Variants in ARHGAP22 observed in about 807,000 individuals in gnomAD.
The protein encoded by ARHGAP22 is Rho GTPase activating protein 22, also known as rho GTPase-activating protein 22.
ARHGAP22 carries 48 observed loss-of-function variants against 59.1 expected under a neutral mutation model. The observed-to-expected ratio is 0.81, with a 90% CI of 0.64 to 1.03. The LOEUF (loss-of-function observed/expected upper bound fraction) is 1.03, where lower values mean the gene tolerates loss of function less well. Among genes scored for constraint, ARHGAP22 ranks in the 50% least tolerant of loss-of-function variants. ARHGAP22 has a pLI of 0.00. For missense variants in ARHGAP22, 1,015 were observed against 958.7 expected, an observed-to-expected ratio of 1.06 and a Z score of -0.78; for synonymous variants, 445 against 416.4, an observed-to-expected ratio of 1.07 and a Z score of -0.84.
At chr10:48,558,792 A>C (rs1040921445) in intron 2 of ARHGAP22, among the ~76,000 whole-genome samples, 2 of 152,228 alleles carry the variant, frequency 1.3e-5, no homozygotes, top group African/African-American at 2.4e-5. Flanking sequence ...TCTGATGCTG[A>C]GAGCCCTGGG....
In ARHGAP22 at chr10:48,523,304, G is replaced by T. The variant is rs994780367; in HGVS notation, c.322+32159C>A. ...CATGCTTAATAAGCGCGGCAGGTGA[G>T]TGTTAGGGTCAGGTGAGTTTAGGGA... is the stretch of plus-strand genomic sequence containing the variant. On this transcript the variant is annotated intron_variant, in intron 3 of 9. Transcript: ENST00000249601. 2.0e-5 allele frequency among the ~76,000 whole-genome samples: 3 copies of T among 152,234 alleles called. No individual in the cohort carries two copies. The East Asian group carries it at 5.8e-4, about 29-fold the overall frequency.
chr10:48,570,422 G>C (rs2058326415), intron 2 of ARHGAP22, among the ~76,000 whole-genome samples: 1 of 152,222 alleles, frequency 6.6e-6, no homozygotes, highest in African/African-American at 2.4e-5. Context: ...GTGAAGCTCA[G>C]TTCCTAATTA....
At chr10:48,487,268 G>A (rs2049953122) in intron 3 of ARHGAP22, among the ~76,000 whole-genome samples, 1 of 152,098 alleles carries the variant, frequency 6.6e-6, no homozygotes, top group Admixed American at 6.5e-5. Context: ...TTTGTACAGT[G>A]TGGTAGCAGA....
intron 1 of ARHGAP22, among the ~76,000 whole-genome samples, chr10:48,620,869 C>A (rs1419561190): frequency 2.0e-5 from 3 of 152,238 alleles, no homozygotes; most frequent in African/African-American, 7.2e-5. Flanking sequence ...TTCACCAGTG[C>A]ACTGGGACTT....
chr10:48,600,307 G>A (rs930272438), intron 1 of ARHGAP22, among the ~76,000 whole-genome samples: 2 of 152,172 alleles, frequency 1.3e-5, no homozygotes, highest in African/African-American at 4.8e-5. Context: ...TTGAAGAATA[G>A]GTGAGATCAC....
At chr10:48,432,092 G>A in the ARHGAP22 span, among the ~76,000 whole-genome samples, 7 of 152,228 alleles carry the variant, frequency 4.6e-5, no homozygotes, top group Non-Finnish European at 8.8e-5. Context: ...GCTGGCAACA[G>A]AGACTTCTCT....
intron 1 of ARHGAP22, among the ~76,000 whole-genome samples, chr10:48,637,760 T>G (rs141712021): frequency 6.6e-6 from 1 of 152,136 alleles, no homozygotes; most frequent in Non-Finnish European, 1.5e-5. Flanking sequence ...AGGCAGAACC[T>G]GCTGGAAGGG....
At chr10:48,622,622 G>C (rs1402286083) in intron 1 of ARHGAP22, among the ~76,000 whole-genome samples, 1 of 152,048 alleles carries the variant, frequency 6.6e-6, no homozygotes, top group African/African-American at 2.4e-5. Flanking sequence ...GACAGCCCTG[G>C]GATCAAAATC....
the ARHGAP22 span, chr10:48,430,617 T>C: frequency 6.6e-6 from 1 of 152,658 alleles, no homozygotes; most frequent in East Asian, 1.9e-4. Context: ...GGAGAAATGT[T>C]CTTCGAAGTG....
At chr10:48,475,174 T>C (rs4012801) in intron 4 of ARHGAP22, among the ~76,000 whole-genome samples, 145,107 of 152,286 alleles carry the variant, frequency 0.95, 69,435 homozygotes, top group East Asian at 1. Context: ...TCAGCTTTCA[T>C]CCTCTGGTTG....
At position 48,450,570 on chromosome 10, in the gene ARHGAP22, G is replaced by A. The variant is rs2045823156; in HGVS notation, c.1559C>T (p.Ser520Leu). 9.1e-6 allele frequency: 14 copies of A among 1,533,950 alleles called. No homozygotes were observed. The highest frequency in any genetic ancestry group is 1.2e-5 in the Non-Finnish European group (14 of 1,141,346). ...GCTGCTGAGTGAGCCCCCCACCGAC[G>A]ACTCGCTGGACGAGGCCCCGGACCA... ...MAWSGASSSE[S>L]SVGGSLSSCT... Residue 520 changes from serine (S) to leucine (L), a missense_variant, in exon 9 of 10, where the codon TCG (serine) becomes TTG (leucine). Transcript: ENST00000249601.
In ARHGAP22 at chr10:48,555,421, A is replaced by G. The variant is rs1023069672; in HGVS notation, c.322+42T>C. 9 of 1,588,760 alleles carry G rather than the reference A, an allele frequency of 5.7e-6. No homozygotes were observed. In the African/African-American group the frequency reaches 1.1e-4, roughly 19 times the overall value. On this transcript the variant is annotated intron_variant, in intron 3 of 9. Transcript: ENST00000249601. ...CTTCCCAGGCCAGGGGCATGGCAAC[A>G]CCCCCACCAGGGCTGCAGAGCTGGA...
chr10:48,473,445 G>A (rs992021612), intron 4 of ARHGAP22, among the ~76,000 whole-genome samples: 1 of 151,534 alleles, frequency 6.6e-6, no homozygotes, highest in Non-Finnish European at 1.5e-5. Context: ...ATTGTACACT[G>A]TACACTGCTT....
chr10:48,534,352 C>G (rs527694773), intron 3 of ARHGAP22, among the ~76,000 whole-genome samples: 7 of 152,358 alleles, frequency 4.6e-5, no homozygotes, highest in South Asian at 4.1e-4. Context: ...GCCTCACCCC[C>G]ACCCTGCCCC....
rs2045329810 is a variant in ARHGAP22, at chr10:48,446,097, G to A, written c.*294C>T. On this transcript the variant is annotated 3_prime_UTR_variant, in exon 10 of 10. Coordinates refer to ENST00000249601, the MANE Select transcript of ARHGAP22 (RefSeq NM_021226.4). ...TTCCCGGTGGCTGCCTGGATCCTGG[G>A]CGCCCTCCATTTCTGTGGCCATGAA... 1 of 432,946 alleles carries A rather than the reference G, an allele frequency of 2.3e-6. No individual in the cohort carries two copies. Among genetic ancestry groups the A allele is most frequent in the Non-Finnish European group, 4.1e-6 (1 of 244,524 alleles). 26.8% of individuals were successfully genotyped at this position (432,946 alleles called of 1,614,324 possible).
intron 1 of ARHGAP22, among the ~76,000 whole-genome samples, chr10:48,597,366 T>C (rs1015150253): frequency 1.3e-5 from 2 of 152,048 alleles, no homozygotes; most frequent in African/African-American, 4.8e-5. Context: ...TCTCTGCCCA[T>C]AATCAGAGAA....
chr10:48,455,379 C>A (rs150657642), intron 5 of ARHGAP22, among the ~76,000 whole-genome samples: 4 of 152,216 alleles, frequency 2.6e-5, no homozygotes, highest in Admixed American at 6.5e-5. Flanking sequence ...TCAGGGACCA[C>A]CCATCATGCC....
intron 4 of ARHGAP22, among the ~76,000 whole-genome samples, chr10:48,462,267 T>A (rs1350296892): frequency 7.4e-6 from 1 of 135,868 alleles, no homozygotes; most frequent in Admixed American, 7.5e-5. Context: ...GGCACCTGAG[T>A]GTGAGGAGAG....
chr10:48,531,139 G>C (rs1380397120), intron 3 of ARHGAP22, among the ~76,000 whole-genome samples: 1 of 152,218 alleles, frequency 6.6e-6, no homozygotes, highest in Non-Finnish European at 1.5e-5. Context: ...GATGGGACTG[G>C]AGACCATTAT....
Sources: allele counts gnomAD v4.1 joint callset (sites outside exome capture counted in the v4.1 genomes callset), GRCh38; gene constraint gnomAD v4.1.1; transcripts MANE v1.5; gene names NCBI Gene and HGNC (gene_info 2026-07-23, HGNC 2026-07-21).